The following ZFPM2 variants were observed in gnomAD, a reference collection of about 807,000 sequenced individuals.
ZFPM2 encodes zinc finger protein, FOG family member 2, also known as zinc finger protein ZFPM2.
A neutral mutation model predicts 98.6 loss-of-function variants in ZFPM2; 20 were observed. The ratio of observed to expected loss-of-function variants is 0.20; its 90% confidence interval spans 0.14 to 0.29. The LOEUF (loss-of-function observed/expected upper bound fraction) is 0.29, where lower values mean the gene tolerates loss of function less well. Ranked by LOEUF, ZFPM2 falls within the 10% of genes least tolerant of loss-of-function variation. The pLI is 1.00. For missense variants in ZFPM2, 1,310 were observed against 1,388.6 expected (o/e 0.94, Z 0.90); for synonymous variants, 518 against 502.7 (o/e 1.03, Z -0.41).
At chr8:105,444,161 C>A in intron 2 of ZFPM2, 119 bp from the exon 3 acceptor site, 1 of 737,950 alleles carries the variant, frequency 1.4e-6, no homozygotes, top group Non-Finnish European at 2.3e-6. Flanking sequence ...AGTGTAATGA[C>A]AATATGTATA....
intron 3 of ZFPM2, among the ~76,000 whole-genome samples, chr8:105,489,175 G>A (rs1158533738): frequency 6.6e-6 from 1 of 151,774 alleles, no homozygotes; most frequent in Non-Finnish European, 1.5e-5. Context: ...GAGAACAGAG[G>A]CCACCACTGC....
At position 105,565,560 on chromosome 8, in the gene ZFPM2, C is replaced by G. The variant is rs1283139249; in HGVS notation, c.420+4079C>G. Among the ~76,000 whole-genome samples the G allele has an allele frequency of 2.0e-5, 3 of 152,246 alleles. No homozygotes were observed. The East Asian group carries it at 5.8e-4, about 29-fold the overall frequency. On this transcript the variant is annotated intron_variant, in intron 4 of 7. Transcript: ENST00000407775. ...GGAAGTTAAATAACTAGCCTAAGGT[C>G]AACTCAGTCTGATTCCATAACACAT...
At chr8:105,357,468 A>T (rs527958923) in intron 1 of ZFPM2, among the ~76,000 whole-genome samples, 1 of 152,354 alleles carries the variant, frequency 6.6e-6, no homozygotes, top group South Asian at 2.1e-4. Flanking sequence ...TGTGGTAAGC[A>T]GATGGTAAGC....
At chr8:105,773,856 A>C (rs1202073106) in intron 5 of ZFPM2, among the ~76,000 whole-genome samples, 1 of 152,094 alleles carries the variant, frequency 6.6e-6, no homozygotes, top group Non-Finnish European at 1.5e-5. Context: ...AAAAGACATG[A>C]TAAGTCAACA....
chr8:105,738,710 T>A (rs1812146385), intron 5 of ZFPM2, among the ~76,000 whole-genome samples: 1 of 152,086 alleles, frequency 6.6e-6, no homozygotes, highest in African/African-American at 2.4e-5. Context: ...ATAATAGCCA[T>A]CCTGACTGGT....
chr8:105,753,999 G>A (rs1812534679), intron 5 of ZFPM2, among the ~76,000 whole-genome samples: 1 of 152,124 alleles, frequency 6.6e-6, no homozygotes, highest in African/African-American at 2.4e-5. Flanking sequence ...TTAAATATCA[G>A]ATGGAAGTAT....
intron 3 of ZFPM2, among the ~76,000 whole-genome samples, chr8:105,473,868 A>G (rs572624193): frequency 1.3e-5 from 2 of 152,238 alleles, no homozygotes; most frequent in Non-Finnish European, 2.9e-5. Context: ...AATATATAGC[A>G]CACATACATA....
intron 5 of ZFPM2, among the ~76,000 whole-genome samples, chr8:105,776,358 A>G (rs533571506): frequency 6.6e-6 from 1 of 152,308 alleles, no homozygotes; most frequent in East Asian, 1.9e-4. Flanking sequence ...TATCTGTTGA[A>G]TTTACATTAA....
At chr8:105,537,950 T>G (rs1450824933) in intron 3 of ZFPM2, among the ~76,000 whole-genome samples, 1 of 152,074 alleles carries the variant, frequency 6.6e-6, no homozygotes, top group African/African-American at 2.4e-5. Context: ...CAGGATGGTC[T>G]CGATCTCCTG....
intron 3 of ZFPM2, among the ~76,000 whole-genome samples, chr8:105,464,571 C>T (rs768483005): frequency 9.9e-5 from 15 of 151,846 alleles, no homozygotes; most frequent in Non-Finnish European, 2.1e-4. Flanking sequence ...ATGAGACCAG[C>T]GGAGAAGACA....
intron 1 of ZFPM2, among the ~76,000 whole-genome samples, chr8:105,345,802 G>T (rs1812512442): frequency 6.6e-6 from 1 of 152,014 alleles, no homozygotes; most frequent in African/African-American, 2.4e-5. Flanking sequence ...TAAGCACATA[G>T]ACCTGTTTCT....
intron 3 of ZFPM2, among the ~76,000 whole-genome samples, chr8:105,497,541 A>G (rs762659217): frequency 1.8e-4 from 27 of 152,176 alleles, no homozygotes; most frequent in Non-Finnish European, 2.9e-4. Flanking sequence ...GCTGAGAAAA[A>G]TGGAAATTCT....
chr8:105,323,941 AG>A (rs1355405736), intron 1 of ZFPM2, among the ~76,000 whole-genome samples: 1 of 151,838 alleles, frequency 6.6e-6, no homozygotes, highest in Non-Finnish European at 1.5e-5. Context: ...ATGGAGTAAG[AG>A]GGACTATCAA....
At chr8:105,608,603 T>TTTTA (rs1554621378) in intron 4 of ZFPM2, among the ~76,000 whole-genome samples, 1 of 147,774 alleles carries the variant, frequency 6.8e-6, no homozygotes, top group Non-Finnish European at 1.5e-5. Flanking sequence ...TTTTTTTTTT[T>TTTTA]AATCAGTGAG....
At chr8:105,770,494 T>C (rs1032723420) in intron 5 of ZFPM2, among the ~76,000 whole-genome samples, 1 of 152,122 alleles carries the variant, frequency 6.6e-6, no homozygotes, top group East Asian at 1.9e-4. Flanking sequence ...TGGCAGCTCA[T>C]GACCAAGGAT....
intron 5 of ZFPM2, among the ~76,000 whole-genome samples, chr8:105,735,890 GA>G (rs1415659173): frequency 6.6e-6 from 1 of 151,924 alleles, no homozygotes; most frequent in Non-Finnish European, 1.5e-5. Flanking sequence ...GCATAGTCAA[GA>G]GGACCTTCAG....
intron 5 of ZFPM2, among the ~76,000 whole-genome samples, chr8:105,742,401 G>A (rs933596777): frequency 1.4e-5 from 2 of 148,068 alleles, no homozygotes; most frequent in African/African-American, 5.1e-5. Flanking sequence ...AAAAAAAAAG[G>A]TGTTGGAGTA....
At chr8:105,345,827 A>G (rs1812512860) in intron 1 of ZFPM2, among the ~76,000 whole-genome samples, 1 of 152,044 alleles carries the variant, frequency 6.6e-6, no homozygotes. Flanking sequence ...CTCAAATAGG[A>G]TTTTGTGATT....
chr8:105,773,367 G>C (rs1030415522), intron 5 of ZFPM2, among the ~76,000 whole-genome samples: 7 of 151,984 alleles, frequency 4.6e-5, no homozygotes, highest in Non-Finnish European at 1.0e-4. Flanking sequence ...GATAAGGAAA[G>C]GGTTGAATTT....
Sources: allele counts gnomAD v4.1 joint callset (sites outside exome capture counted in the v4.1 genomes callset), GRCh38; gene constraint gnomAD v4.1.1; transcripts MANE v1.5; gene names NCBI Gene and HGNC (gene_info 2026-07-23, HGNC 2026-07-21).